The following CSMD1 variants were observed in gnomAD, a reference collection of about 807,000 sequenced individuals.
The protein encoded by CSMD1 is CUB and sushi domain-containing protein 1.
In CSMD1, 213 loss-of-function variants were observed where a neutral mutation model predicts 417.5. That is an observed-to-expected ratio of 0.51 (90% confidence interval 0.46 to 0.57). The LOEUF (loss-of-function observed/expected upper bound fraction) is 0.57. Among genes scored for constraint, CSMD1 ranks in the 20% least tolerant of loss-of-function variants. The pLI, the probability that CSMD1 is intolerant of heterozygous loss-of-function variation, is 0.00. For synonymous variants in CSMD1, 2,862 were observed against 1,736.8 expected (o/e 1.65, Z -16.11); for missense variants, 6,923 against 4,529.7 (o/e 1.53, Z -15.17).
At chr8:4,008,799 A>G (rs943300228) in intron 4 of CSMD1, among the ~76,000 whole-genome samples, 2 of 151,014 alleles carry the variant, frequency 1.3e-5, no homozygotes, top group Non-Finnish European at 3.0e-5. Context: ...TTTGGTAGAG[A>G]CGGGATTTCA....
At chr8:3,355,535 C>A (rs1808721424) in intron 21 of CSMD1, among the ~76,000 whole-genome samples, 1 of 152,130 alleles carries the variant, frequency 6.6e-6, no homozygotes, top group Non-Finnish European at 1.5e-5. Context: ...TCAATGTGGG[C>A]CAATGAGAGG....
chr8:3,773,458 T>A (rs931659096), intron 5 of CSMD1, among the ~76,000 whole-genome samples: 14 of 152,038 alleles, frequency 9.2e-5, no homozygotes, highest in African/African-American at 3.4e-4. Context: ...GGCTAATTAT[T>A]GTATTTTTTG....
At chr8:4,367,392 T>A (rs1802140373) in intron 3 of CSMD1, among the ~76,000 whole-genome samples, 1 of 152,084 alleles carries the variant, frequency 6.6e-6, no homozygotes, top group African/African-American at 2.4e-5. Context: ...TATTTCTGGG[T>A]CCTCTCTCAT....
chr8:4,053,229 C>T (rs573985396), intron 3 of CSMD1, among the ~76,000 whole-genome samples: 3 of 152,200 alleles, frequency 2.0e-5, no homozygotes, highest in South Asian at 2.1e-4. Flanking sequence ...ACAACAGCAC[C>T]GTGTGTTTAG....
At chr8:4,230,118 T>G (rs1379711114) in intron 3 of CSMD1, among the ~76,000 whole-genome samples, 2 of 152,180 alleles carry the variant, frequency 1.3e-5, no homozygotes, top group Non-Finnish European at 2.9e-5. Flanking sequence ...TTTTCTAAGA[T>G]TAAATCATCT....
intron 12 of CSMD1, among the ~76,000 whole-genome samples, chr8:3,465,305 C>T (rs571444811): frequency 6.6e-6 from 1 of 152,276 alleles, no homozygotes; most frequent in South Asian, 2.1e-4. Context: ...ACTGAGTAGA[C>T]CCTCCAGGCA....
At position 4,398,029 on chromosome 8, in the gene CSMD1, T is replaced by G. The variant is rs147545928; in HGVS notation, c.415+21924A>C. Among the ~76,000 whole-genome samples, 98 of 152,332 alleles carry G rather than the reference T, an allele frequency of 6.4e-4. 1 individual carries two copies. The highest frequency in any genetic ancestry group is 2.1e-3 in the African/African-American group (89 of 41,574). On this transcript the variant is annotated intron_variant, in intron 3 of 69. Coordinates refer to ENST00000635120, the MANE Select transcript of CSMD1 (RefSeq NM_033225.6). ...CTAGGTCATACATACTGGTATCAAT[T>G]TCTAACTTGGTATCTCTCTAGAAAT...
chr8:4,691,279 T>G (rs530034198), intron 1 of CSMD1, among the ~76,000 whole-genome samples: 2 of 151,690 alleles, frequency 1.3e-5, no homozygotes, highest in Admixed American at 1.3e-4. Context: ...AGGTGGAGAG[T>G]GTGAATTTCA....
At chr8:3,025,866 T>C (rs616754) in intron 51 of CSMD1, among the ~76,000 whole-genome samples, 34,167 of 152,182 alleles carry the variant, frequency 0.22, 4,622 homozygotes, top group African/African-American at 0.38. Flanking sequence ...CGTAAAATTG[T>C]ATCCGTTTTA....
rs772869918 is a variant in CSMD1, at chr8:3,209,998, C to T, written c.4868-4378G>A. Among the ~76,000 whole-genome samples, 112 of 152,252 alleles carry T rather than the reference C, an allele frequency of 7.4e-4. 1 individual carries two copies. The highest frequency in any genetic ancestry group is 6.3e-4 in the Non-Finnish European group (43 of 68,018). ...CAATTCTACAAAAAACTTCAATAAG[C>T]AAAATTTGTAGGTAATAGACGAATA... On this transcript the variant is annotated intron_variant, in intron 30 of 69. Transcript: ENST00000635120.
At position 3,564,955 on chromosome 8, in the gene CSMD1, A is replaced by C. The variant is rs186720196; in HGVS notation, c.1344+9990T>G. Among the ~76,000 whole-genome samples, 161 of 151,608 alleles carry C rather than the reference A, an allele frequency of 1.1e-3. 1 individual carries two copies. Among genetic ancestry groups the C allele is most frequent in the African/African-American group, 3.8e-3 (157 of 41,252 alleles). ...GGACACAATCATGGATCAACGCCAT[A>C]AGATTAATGATGAATAGCTAAGGAA... On this transcript the variant is annotated intron_variant, in intron 10 of 69. Transcript: ENST00000635120.
intron 68 of CSMD1, among the ~76,000 whole-genome samples, chr8:2,943,071 G>A (rs1801998275): frequency 6.6e-6 from 1 of 152,114 alleles, no homozygotes; most frequent in African/African-American, 2.4e-5. Context: ...TATGTGAATA[G>A]GATGGTGTCA....
intron 12 of CSMD1, among the ~76,000 whole-genome samples, chr8:3,463,087 G>A (rs1816609767): frequency 6.6e-6 from 1 of 152,194 alleles, no homozygotes; most frequent in African/African-American, 2.4e-5. Context: ...GGACTTCCCA[G>A]AACTGTGAGA....
chr8:4,176,555 C>G (rs1584962181), intron 3 of CSMD1, among the ~76,000 whole-genome samples: 1 of 151,970 alleles, frequency 6.6e-6, no homozygotes, highest in South Asian at 2.1e-4. Context: ...CTAATATACC[C>G]CATTTTGGCA....
intron 2 of CSMD1, among the ~76,000 whole-genome samples, chr8:4,488,511 A>G (rs1585155988): frequency 1.3e-5 from 2 of 152,262 alleles, no homozygotes; most frequent in Non-Finnish European, 2.9e-5. Flanking sequence ...CTCTGAATCA[A>G]ACATTGGATT....
chr8:3,679,528 C>G (rs1472649270), intron 7 of CSMD1, among the ~76,000 whole-genome samples: 3 of 152,158 alleles, frequency 2.0e-5, no homozygotes, highest in African/African-American at 7.2e-5. Flanking sequence ...CACCCAGATT[C>G]ATAAAGCAAG....
chr8:3,709,799 T>A (rs1223855740), intron 6 of CSMD1, among the ~76,000 whole-genome samples: 1 of 149,840 alleles, frequency 6.7e-6, no homozygotes, highest in Non-Finnish European at 1.5e-5. Context: ...TTCGGTCTTG[T>A]CAGCTTCATA....
chr8:4,862,353 T>C (rs1802188215), intron 1 of CSMD1, among the ~76,000 whole-genome samples: 1 of 152,080 alleles, frequency 6.6e-6, no homozygotes, highest in Non-Finnish European at 1.5e-5. Context: ...TTTGCACAGA[T>C]GGAGAATTAA....
chr8:4,024,245 T>C (rs1796945748), intron 4 of CSMD1, among the ~76,000 whole-genome samples: 1 of 152,256 alleles, frequency 6.6e-6, no homozygotes, highest in African/African-American at 2.4e-5. Flanking sequence ...AATACTCATA[T>C]CAAGGTGTCA....
Sources: allele counts gnomAD v4.1 joint callset (sites outside exome capture counted in the v4.1 genomes callset), GRCh38; gene constraint gnomAD v4.1.1; transcripts MANE v1.5; gene names NCBI Gene and HGNC (gene_info 2026-07-23, HGNC 2026-07-21).